The following VPS13B variants were observed in gnomAD, a reference collection of about 807,000 sequenced individuals.
VPS13B encodes intermembrane lipid transfer protein VPS13B.
In VPS13B, 285 loss-of-function variants were observed where a neutral mutation model predicts 426.4. That is an observed-to-expected ratio of 0.67 (90% confidence interval 0.61 to 0.74). The LOEUF (loss-of-function observed/expected upper bound fraction) is 0.74. Among genes scored for constraint, VPS13B ranks in the 30% least tolerant of loss-of-function variants. The pLI, the probability that VPS13B is intolerant of heterozygous loss-of-function variation, is 0.00. For synonymous variants in VPS13B, 1,676 were observed against 1,676.4 expected, an observed-to-expected ratio of 1.00 and a Z score of 0.01; for missense variants, 4,537 against 4,782.6, an observed-to-expected ratio of 0.95 and a Z score of 1.51.
intron 30 of VPS13B, chr8:99,528,068 G>T (rs1015867813): frequency 2.6e-5 from 4 of 152,002 alleles, no homozygotes; most frequent in African/African-American, 9.7e-5. Context: ...ATTAAATAAT[G>T]AAAACAAGTC....
chr8:99,721,171 G>C (rs902938330), intron 39 of VPS13B, 124 bp downstream of exon 39: 42 of 915,802 alleles, frequency 4.6e-5, no homozygotes, highest in Non-Finnish European at 5.8e-5. Flanking sequence ...ATACACATCT[G>C]TGTGTGTGGT....
intron 17 of VPS13B, among the ~76,000 whole-genome samples, chr8:99,199,052 A>G (rs987183079): frequency 6.6e-6 from 1 of 152,200 alleles, no homozygotes; most frequent in Non-Finnish European, 1.5e-5. Context: ...TTGTGTAAGT[A>G]TGTGATCCTT....
chr8:99,428,589 A>G (rs911585919), intron 21 of VPS13B, among the ~76,000 whole-genome samples: 5 of 152,194 alleles, frequency 3.3e-5, no homozygotes, highest in African/African-American at 1.2e-4. Context: ...GTGAGATACC[A>G]TCTCACACCA....
At chr8:99,827,814 T>TTA (rs1271211398) in intron 51 of VPS13B, among the ~76,000 whole-genome samples, 2 of 152,186 alleles carry the variant, frequency 1.3e-5, no homozygotes, top group Non-Finnish European at 2.9e-5. Context: ...AAGAACTTAT[T>TTA]TATTTCTGCC....
rs555125640 is a variant in VPS13B at position 99,292,714 on chromosome 8, T to C, written c.2824+17460T>C. On this transcript the variant is annotated intron_variant, in intron 19 of 61. Transcript: ENST00000357162. ...AATTTAGATATCATAAAAAATAATT[T>C]ATCCACCTTAAATGGAATCTAAAAG... Among the ~76,000 whole-genome samples the C allele has an allele frequency of 6.6e-5, 10 of 152,196 alleles. No homozygotes were observed. In the South Asian group the frequency reaches 1.9e-3, roughly 28 times the overall value.
intron 19 of VPS13B, among the ~76,000 whole-genome samples, chr8:99,364,096 G>A (rs912397838): frequency 2.0e-5 from 3 of 151,930 alleles, no homozygotes; most frequent in African/African-American, 7.3e-5. Flanking sequence ...ACTAGCTGTG[G>A]GTCTGTTATA....
Position 99,596,415 on chromosome 8 carries a change from T to C in VPS13B, c.5220+18782T>C, listed in dbSNP as rs188678373. Among the ~76,000 whole-genome samples the C allele has an allele frequency of 2.2e-4, 34 of 152,104 alleles. No homozygotes were observed. In the East Asian group the frequency reaches 6.6e-3, roughly 29 times the overall value. On this transcript the variant is annotated intron_variant, in intron 33 of 61. Coordinates refer to ENST00000357162, the MANE Select transcript of VPS13B (RefSeq NM_152564.5). ...GCATGTCACAGACACTCAAAATAGA[T>C]ATGAGTTTCTTTTTCTCAGGTAACA...
At chr8:99,223,758 GAATAGAGATGC>G (rs2132836275) in intron 17 of VPS13B, among the ~76,000 whole-genome samples, 1 of 152,188 alleles carries the variant, frequency 6.6e-6, no homozygotes, top group Admixed American at 6.5e-5. Context: ...GTATAAAATT[GAATAGAGATGC>G]ATTCAAAGAA....
At chr8:99,366,497 AG>A (rs1245271332) in intron 19 of VPS13B, among the ~76,000 whole-genome samples, 3 of 147,970 alleles carry the variant, frequency 2.0e-5, no homozygotes, top group Non-Finnish European at 4.5e-5. Context: ...GTGTTTCTGT[AG>A]GCAATAGATC....
chr8:99,080,059 A>G (rs924282351), intron 3 of VPS13B, among the ~76,000 whole-genome samples: 21 of 150,772 alleles, frequency 1.4e-4, no homozygotes, highest in African/African-American at 4.8e-4. Context: ...TATTATCTAT[A>G]TCATATAAAT....
At chr8:99,800,506 A>G (rs980620417) in intron 43 of VPS13B, among the ~76,000 whole-genome samples, 10 of 152,192 alleles carry the variant, frequency 6.6e-5, no homozygotes, top group African/African-American at 2.4e-4. Context: ...AGTTATGCAT[A>G]AAATTTAAAA....
At chr8:99,297,992 T>A (rs1228395503) in intron 19 of VPS13B, among the ~76,000 whole-genome samples, 1 of 152,222 alleles carries the variant, frequency 6.6e-6, no homozygotes. Context: ...GGGCTGAGTT[T>A]TGTTATATTC....
intron 17 of VPS13B, among the ~76,000 whole-genome samples, chr8:99,193,682 A>T (rs1259308220): frequency 1.3e-5 from 2 of 152,156 alleles, no homozygotes; most frequent in Non-Finnish European, 2.9e-5. Flanking sequence ...ATTTAAGTGT[A>T]ATTATGCTTA....
chr8:99,483,428 C>T (rs534504819), intron 25 of VPS13B, among the ~76,000 whole-genome samples: 1 of 152,216 alleles, frequency 6.6e-6, no homozygotes, highest in South Asian at 2.1e-4. Flanking sequence ...TTTTAGAATT[C>T]CTGCAGTAAA....
At chr8:99,322,981 G>C (rs1376909222) in intron 19 of VPS13B, among the ~76,000 whole-genome samples, 1 of 152,164 alleles carries the variant, frequency 6.6e-6, no homozygotes, top group Admixed American at 6.5e-5. Context: ...TGAATTACTT[G>C]CTCAGGACAT....
intron 33 of VPS13B, among the ~76,000 whole-genome samples, chr8:99,639,994 A>G (rs1482466631): frequency 5.3e-5 from 2 of 37,686 alleles, no homozygotes; most frequent in South Asian, 8.2e-4. Flanking sequence ...AGTAATAATA[A>G]TAATAATAAT....
At chr8:99,766,351 C>T (rs1247013953) in intron 39 of VPS13B, among the ~76,000 whole-genome samples, 2 of 151,948 alleles carry the variant, frequency 1.3e-5, no homozygotes, top group South Asian at 2.1e-4. Context: ...CCCAAAGTGC[C>T]GGGATTACAG....
At chr8:99,806,119 G>T (rs1234695687) in intron 43 of VPS13B, among the ~76,000 whole-genome samples, 1 of 152,146 alleles carries the variant, frequency 6.6e-6, no homozygotes, top group Admixed American at 6.5e-5. Flanking sequence ...TCAGCACATT[G>T]CTCACTTATA....
intron 19 of VPS13B, among the ~76,000 whole-genome samples, chr8:99,367,690 T>C (rs953216879): frequency 2.6e-5 from 4 of 152,340 alleles, no homozygotes; most frequent in African/African-American, 9.6e-5. Flanking sequence ...TACTCTTCTC[T>C]TTTTTCTTTT....
Sources: allele counts gnomAD v4.1 joint callset (sites outside exome capture counted in the v4.1 genomes callset), GRCh38; gene constraint gnomAD v4.1.1; transcripts MANE v1.5; gene names NCBI Gene and HGNC (gene_info 2026-07-23, HGNC 2026-07-21).